The following CHST11 variants were observed in gnomAD, a reference collection of about 807,000 sequenced individuals.
CHST11 encodes carbohydrate sulfotransferase 11, also known as C4S-1.
Under a neutral mutation model 30.4 loss-of-function variants are expected in CHST11, and 9 were observed. The observed-to-expected ratio is 0.30, with a 90% confidence interval of 0.18 to 0.52. CHST11 has a LOEUF of 0.52. Among genes scored for constraint, CHST11 ranks in the 20% least tolerant of loss-of-function variants. CHST11 has a pLI of 0.97. For missense variants in CHST11, 348 were observed against 460.6 expected (o/e 0.76, Z 2.24); for synonymous variants, 152 against 187.8 (o/e 0.81, Z 1.56).
At position 104,676,909 on chromosome 12, in the gene CHST11, T is replaced by G. The variant is rs189348634; in HGVS notation, c.204+74918T>G. On this transcript the variant is annotated intron_variant, in intron 2 of 2. Transcript: ENST00000303694. The surrounding 1 kb of genome is among the most constrained non-coding windows in gnomAD (Gnocchi z 4.4). Reference sequence around the variant, plus strand: ...GGCCATTCTCATCGTGCCAGGGTGCTGGCACATTCTTGTTTCTATAGGGGC... The same window carrying G: ...GGCCATTCTCATCGTGCCAGGGTGCGGGCACATTCTTGTTTCTATAGGGGC... Among the ~76,000 whole-genome samples the G allele has an allele frequency of 6.6e-6, 1 of 152,346 alleles. No individual in the cohort carries two copies. Among genetic ancestry groups the G allele is most frequent in the African/African-American group, 2.4e-5 (1 of 41,584 alleles).
chr12:104,504,252 C>T (rs2037880501), intron 1 of CHST11, among the ~76,000 whole-genome samples: 1 of 152,206 alleles, frequency 6.6e-6, no homozygotes, highest in South Asian at 2.1e-4. Context: ...CCCATTTCTC[C>T]CCGACTGCTC....
Position 104,744,424 on chromosome 12 carries a change from A to G in CHST11, c.205-12525A>G, listed in dbSNP as rs141874454. Reference sequence around the variant, plus strand: ...CTTCTTTTGAAAACTGTCTGTTCACATCCTCTGCCCACTTTTTTATGGGGT... The same window carrying G: ...CTTCTTTTGAAAACTGTCTGTTCACGTCCTCTGCCCACTTTTTTATGGGGT... On this transcript the variant is annotated intron_variant, in intron 2 of 2. Transcript: ENST00000303694. 2.8e-4 allele frequency among the ~76,000 whole-genome samples: 43 copies of G among 152,250 alleles called. 1 individual carries two copies. The East Asian group carries it at 6.8e-3, about 24-fold the overall frequency.
chr12:104,730,680 G>A (rs1037974536), intron 2 of CHST11, among the ~76,000 whole-genome samples: 4 of 152,144 alleles, frequency 2.6e-5, no homozygotes, highest in Admixed American at 2.6e-4. Context: ...GGAGGGAATG[G>A]CATATGAAAA....
chr12:104,562,907 G>A (rs937037260), intron 1 of CHST11, among the ~76,000 whole-genome samples: 1 of 148,536 alleles, frequency 6.7e-6, no homozygotes, highest in African/African-American at 2.5e-5. Flanking sequence ...GGGTTAAAGG[G>A]GCATTCTTGA....
At chr12:104,715,471 GATT>G (rs1473062651) in intron 2 of CHST11, among the ~76,000 whole-genome samples, 1 of 152,330 alleles carries the variant, frequency 6.6e-6, no homozygotes, top group Admixed American at 6.5e-5. Context: ...ATAATCATGT[GATT>G]ATTAAGTGCC....
intron 2 of CHST11, among the ~76,000 whole-genome samples, chr12:104,612,604 A>G (rs1566007779): frequency 6.6e-6 from 1 of 152,300 alleles, no homozygotes; most frequent in East Asian, 1.9e-4. Flanking sequence ...ACACAATTCA[A>G]TCCCTAGTGC....
At chr12:104,714,478 G>T (rs1248545210) in intron 2 of CHST11, among the ~76,000 whole-genome samples, 1 of 152,216 alleles carries the variant, frequency 6.6e-6, no homozygotes, top group Non-Finnish European at 1.5e-5. Context: ...GAAGCCTGAT[G>T]GATGGGAAAG....
intron 1 of CHST11, among the ~76,000 whole-genome samples, chr12:104,549,196 G>C (rs1490606303): frequency 6.6e-6 from 1 of 152,194 alleles, no homozygotes; most frequent in African/African-American, 2.4e-5. Context: ...GGGCTGGAGT[G>C]GGGACAGCTG....
rs1491185851 is a variant in CHST11, at chr12:104,513,124, G to GGT, written c.118+55596_118+55597insTG. Among the ~76,000 whole-genome samples the GGT allele has an allele frequency of 8.8e-4, 34 of 38,802 alleles. 2 individuals are homozygous for GGT. The highest frequency in any genetic ancestry group is 1.4e-3 in the African/African-American group (9 of 6,504). The allele number at this position is 38,802 out of a possible 152,430, so 25.5% of individuals were successfully genotyped here. On this transcript the variant is annotated intron_variant, in intron 1 of 2. Coordinates refer to ENST00000303694, the MANE Select transcript of CHST11 (RefSeq NM_018413.6). ...GCCAGTGCTTCCAAATGTCATGACT[G>GGT]GGGGGGGGGGGGGTTGGGGGTGGGG...
intron 2 of CHST11, among the ~76,000 whole-genome samples, chr12:104,640,215 T>G (rs981253470): frequency 6.6e-6 from 1 of 152,196 alleles, no homozygotes; most frequent in African/African-American, 2.4e-5. Context: ...ATCCAGCAGT[T>G]GCACTCCTTA....
At chr12:104,602,013 A>C in intron 2 of CHST11, 22 bp downstream of exon 2, 1 of 1,544,076 alleles carries the variant, frequency 6.5e-7, no homozygotes, top group Non-Finnish European at 8.7e-7. Context: ...GCACTCTGTC[A>C]GCATGTGAAT....
chr12:104,499,607 A>G (rs1313889915), intron 1 of CHST11, among the ~76,000 whole-genome samples: 1 of 152,192 alleles, frequency 6.6e-6, no homozygotes, highest in Non-Finnish European at 1.5e-5. Flanking sequence ...TCATGAGTGG[A>G]AAGAAATCAT....
intron 2 of CHST11, among the ~76,000 whole-genome samples, chr12:104,677,996 A>G (rs1566034495): frequency 6.6e-6 from 1 of 152,200 alleles, no homozygotes. Flanking sequence ...CAAGTCTCAG[A>G]TGAAATATCA....
intron 2 of CHST11, among the ~76,000 whole-genome samples, chr12:104,718,282 G>A (rs1187722680): frequency 6.6e-6 from 1 of 152,190 alleles, no homozygotes; most frequent in East Asian, 1.9e-4. Flanking sequence ...TGGCAGAAGT[G>A]GGATTTGAAC....
intron 1 of CHST11, among the ~76,000 whole-genome samples, chr12:104,463,891 A>G (rs2037433145): frequency 6.6e-6 from 1 of 152,130 alleles, no homozygotes; most frequent in South Asian, 2.1e-4. Flanking sequence ...GAGGCAGCCA[A>G]CAACCACAGT....
At chr12:104,694,213 C>G (rs2039923835) in intron 2 of CHST11, among the ~76,000 whole-genome samples, 1 of 152,148 alleles carries the variant, frequency 6.6e-6, no homozygotes, top group South Asian at 2.1e-4. Context: ...TAAAAGCCCC[C>G]AAGAGCCAGC....
At chr12:104,689,811 C>A (rs1194447973) in intron 2 of CHST11, among the ~76,000 whole-genome samples, 1 of 152,152 alleles carries the variant, frequency 6.6e-6, no homozygotes, top group African/African-American at 2.4e-5. Context: ...CTCCTTCCCC[C>A]TCCCAATACT....
chr12:104,557,383 G>A (rs2038467670), intron 1 of CHST11, among the ~76,000 whole-genome samples: 1 of 152,176 alleles, frequency 6.6e-6, no homozygotes. Flanking sequence ...TAAAGGCTTT[G>A]GACCTGATCC....
chr12:104,650,580 G>A (rs867617866), intron 2 of CHST11, among the ~76,000 whole-genome samples: 30 of 152,120 alleles, frequency 2.0e-4, no homozygotes, highest in African/African-American at 6.8e-4. Context: ...GGCACAGTGC[G>A]AGGGGGAGTG....
Sources: allele counts gnomAD v4.1 joint callset (sites outside exome capture counted in the v4.1 genomes callset), GRCh38; gene constraint gnomAD v4.1.1; non-coding constraint Gnocchi (gnomAD v3.1); transcripts MANE v1.5; gene names NCBI Gene and HGNC (gene_info 2026-07-23, HGNC 2026-07-21).